Variants in PGM2L1 observed in about 807,000 individuals in gnomAD.
PGM2L1 encodes glucose 1,6-bisphosphate synthase.
A neutral mutation model predicts 73.4 loss-of-function variants in PGM2L1; 35 were observed. The observed-to-expected ratio is 0.48, with a 90% confidence interval of 0.36 to 0.63. The LOEUF (loss-of-function observed/expected upper bound fraction) is 0.63. Ranked by LOEUF, PGM2L1 falls within the 30% of genes least tolerant of loss-of-function variation. The pLI is 0.00. For synonymous variants in PGM2L1, 225 were observed against 253.8 expected, an observed-to-expected ratio of 0.89 and a Z score of 1.08; for missense variants, 570 against 742.0, an observed-to-expected ratio of 0.77 and a Z score of 2.69.
chr11:74,350,821 A>T (rs1259675204), intron 6 of PGM2L1, among the ~76,000 whole-genome samples: 1 of 152,014 alleles, frequency 6.6e-6, no homozygotes, highest in African/African-American at 2.4e-5. Flanking sequence ...AGGTTGCAGT[A>T]AGCCCAGATC....
rs1862352230 is a variant in PGM2L1, at chr11:74,351,463, A to G, written c.669T>C (p.Asp223=). Residue 223 remains aspartate (D), a synonymous_variant, in exon 6 of 14, where the codon GAT becomes GAC. Transcript: ENST00000298198. ...GAGGGTCTCTCTTCAGCGGGCTGGT[A>G]TCCACTAAATTATCATTCCAGGAAC... The part of the protein sequence containing the change: ...WNGSWNDNLV[D]TSPLKRDPLQ... The G allele has an allele frequency of 6.2e-7, 1 of 1,613,974 alleles. No homozygotes were observed. The highest frequency in any genetic ancestry group is 1.3e-5 in the African/African-American group (1 of 74,926).
chr11:74,347,069 A>G (rs1862277651), intron 7 of PGM2L1, 79 bp downstream of exon 7: 2 of 1,189,316 alleles, frequency 1.7e-6, no homozygotes, highest in African/African-American at 3.1e-5. Context: ...TTTTGTAAGT[A>G]ATCTTTGAAT....
intron 5 of PGM2L1, 21 bp downstream of exon 5, chr11:74,368,471 G>A: frequency 6.3e-7 from 1 of 1,578,742 alleles, no homozygotes; most frequent in Non-Finnish European, 8.7e-7. Flanking sequence ...GATAAGCAAA[G>A]GTCAGGAGTC....
chr11:74,355,410 C>G (rs186203488), intron 5 of PGM2L1: 3 of 533,186 alleles, frequency 5.6e-6, no homozygotes, highest in Non-Finnish European at 1.0e-5. Flanking sequence ...AAAAATTAGC[C>G]GGGCGTGGTA....
At chr11:74,355,217 T>C in intron 5 of PGM2L1, 1 of 1,416,568 alleles carries the variant, frequency 7.1e-7, no homozygotes, top group Admixed American at 1.7e-5. Flanking sequence ...TTGGAGGTGG[T>C]GGAAGCTACA....
chr11:74,389,788 T>A (rs1863066419), intron 1 of PGM2L1, among the ~76,000 whole-genome samples: 1 of 148,176 alleles, frequency 6.7e-6, no homozygotes, highest in Non-Finnish European at 1.5e-5. Context: ...TCCGAATAGG[T>A]TTCTAACGGC....
At chr11:74,361,759 T>C (rs1862567644) in intron 5 of PGM2L1, among the ~76,000 whole-genome samples, 1 of 152,170 alleles carries the variant, frequency 6.6e-6, no homozygotes, top group African/African-American at 2.4e-5. Context: ...ATGCACAAGC[T>C]TCAGTAGCCC....
intron 5 of PGM2L1, among the ~76,000 whole-genome samples, chr11:74,362,342 C>A (rs1474556338): frequency 6.6e-6 from 1 of 152,164 alleles, no homozygotes; most frequent in Admixed American, 6.5e-5. Flanking sequence ...CAAGCAAATG[C>A]TGAGAGGTTT....
chr11:74,358,507 T>C (rs1862497614), intron 5 of PGM2L1, among the ~76,000 whole-genome samples: 2 of 152,144 alleles, frequency 1.3e-5, no homozygotes, highest in African/African-American at 4.8e-5. Context: ...ATAAAGGCCG[T>C]CATATGTTGT....
chr11:74,398,384 GGGCGAAGTGACTGA>G lies in PGM2L1; in HGVS notation c.-237_-224del. 1 of 591,974 alleles carries G rather than the reference GGGCGAAGTGACTGA, an allele frequency of 1.7e-6. No individual in the cohort carries two copies. Among genetic ancestry groups the G allele is most frequent in the Non-Finnish European group, 2.6e-6 (1 of 388,590 alleles). 36.7% of individuals were successfully genotyped at this position (591,974 alleles called of 1,614,324 possible). A position where few individuals can be genotyped will look rare whatever the true frequency, so the allele number is the denominator to read the frequency against. ...CCCAGCGGACCAGGTCCGGGTCTCTGGGCGAAGTGACTGAGGCGGTCGCGCCGCGAGAGAACAAC... is the reference window on the plus strand; with the variant it reads ...CCCAGCGGACCAGGTCCGGGTCTCTGGGCGGTCGCGCCGCGAGAGAACAAC... On this transcript the variant is annotated 5_prime_UTR_variant, in exon 1 of 14. Coordinates refer to ENST00000298198, the MANE Select transcript of PGM2L1 (RefSeq NM_173582.6).
chr11:74,366,822 G>T (rs1862667847), intron 5 of PGM2L1, among the ~76,000 whole-genome samples: 1 of 152,040 alleles, frequency 6.6e-6, no homozygotes, highest in African/African-American at 2.4e-5. Flanking sequence ...AAGGCAAGGG[G>T]GTTGGGTTTT....
At chr11:74,373,316 A>G (rs1435564124) in intron 2 of PGM2L1, among the ~76,000 whole-genome samples, 3 of 152,202 alleles carry the variant, frequency 2.0e-5, no homozygotes, top group Non-Finnish European at 4.4e-5. Context: ...GTGGGTGAGG[A>G]AGGAGGGCAG....
Position 74,351,397 on chromosome 11 carries a change from C to A in PGM2L1, c.735G>T (p.Lys245Asn). The A allele has an allele frequency of 1.9e-6, 3 of 1,612,988 alleles. No homozygotes were observed. The highest frequency in any genetic ancestry group is 8.5e-7 in the Non-Finnish European group (1 of 1,179,738). Reference sequence around the variant, plus strand: ...CACTTGGATACCTGTAAAAACAGATCTTTTTCAGATCTTCCATGTATCTCC... The same window carrying A: ...CACTTGGATACCTGTAAAAACAGATATTTTTCAGATCTTCCATGTATCTCC... ...ICRRYMEDLK[K>N]ICFYRELNSK... Residue 245 changes from lysine (K) to asparagine (N), a missense_variant, in exon 6 of 14, where the codon AAG (lysine) becomes AAT (asparagine). Transcript: ENST00000298198.
chr11:74,354,732 AC>A, intron 5 of PGM2L1: 2 of 1,059,888 alleles, frequency 1.9e-6, no homozygotes, highest in South Asian at 1.2e-5. Flanking sequence ...ATTCTCAAAC[AC>A]CAGGTGCCCA....
rs1166866262 is a variant in PGM2L1 at position 74,374,307 on chromosome 11, C to T, written c.279+108G>A. Reference sequence around the variant, plus strand: ...CCATGTTGGCCAGGATGATCTCGATCTCTGGACCTCGTGATCTGCCCGCCT... The same window carrying T: ...CCATGTTGGCCAGGATGATCTCGATTTCTGGACCTCGTGATCTGCCCGCCT... On this transcript the variant is annotated intron_variant, in intron 2 of 13. Transcript: ENST00000298198. The T allele has an allele frequency of 6.5e-6, 6 of 919,320 alleles. No homozygotes were observed. In the African/African-American group the frequency reaches 6.7e-5, roughly 10 times the overall value. 56.9% of individuals were successfully genotyped at this position (919,320 alleles called of 1,614,324 possible).
chr11:74,354,625 T>C, intron 5 of PGM2L1: 2 of 1,144,642 alleles, frequency 1.7e-6, no homozygotes, highest in Non-Finnish European at 1.3e-6. Flanking sequence ...GTTTGTCACA[T>C]ATGCCACTGT....
rs969096478 is a variant in PGM2L1, at chr11:74,330,328, C to T, written c.*6324G>A. ...ACAGAAACTCATGCCTATGAAGAGA[C>T]CTGTTTATTACTGATAACACTTCAT... On this transcript the variant is annotated 3_prime_UTR_variant, in exon 14 of 14. Coordinates refer to ENST00000298198, the MANE Select transcript of PGM2L1 (RefSeq NM_173582.6). The T allele has an allele frequency of 1.9e-4, 29 of 152,576 alleles. No individual in the cohort carries two copies. The highest frequency in any genetic ancestry group is 7.0e-4 in the African/African-American group (29 of 41,430). The allele number at this position is 152,576 out of a possible 1,614,324, so 9.5% of individuals were successfully genotyped here. A position where few individuals can be genotyped will look rare whatever the true frequency, so the allele number is the denominator to read the frequency against.
intron 5 of PGM2L1, among the ~76,000 whole-genome samples, chr11:74,356,605 G>GA (rs1862460156): frequency 6.6e-6 from 1 of 151,988 alleles, no homozygotes; most frequent in Admixed American, 6.6e-5. Context: ...TTTCAAATGG[G>GA]AAAAATACCA....
At chr11:74,338,152 A>G (rs953335133) in intron 13 of PGM2L1, among the ~76,000 whole-genome samples, 1 of 152,224 alleles carries the variant, frequency 6.6e-6, no homozygotes, top group Admixed American at 6.5e-5. Flanking sequence ...TAAGTAAAAG[A>G]CGGCAGTCAC....
Sources: allele counts gnomAD v4.1 joint callset (sites outside exome capture counted in the v4.1 genomes callset), GRCh38; gene constraint gnomAD v4.1.1; transcripts MANE v1.5; gene names NCBI Gene and HGNC (gene_info 2026-07-23, HGNC 2026-07-21).